Variants in AFG2A observed in about 807,000 individuals in gnomAD.
The protein encoded by AFG2A is AAA ATPase AFG2A.
chr4:123,279,049 A>G, the AFG2A span, among the ~76,000 whole-genome samples: 1 of 152,146 alleles, frequency 6.6e-6, no homozygotes, highest in African/African-American at 2.4e-5. Context: ...ATTTAGGACC[A>G]TGTCAAAGAA....
the AFG2A span, among the ~76,000 whole-genome samples, chr4:123,311,424 G>A: frequency 1.3e-5 from 2 of 151,518 alleles, no homozygotes; most frequent in Admixed American, 6.6e-5. Flanking sequence ...TCAGGAGATC[G>A]AGACCATCCT....
At chr4:123,211,147 G>A in the AFG2A span, among the ~76,000 whole-genome samples, 1 of 152,114 alleles carries the variant, frequency 6.6e-6, no homozygotes, top group Admixed American at 6.6e-5. Flanking sequence ...ACCAACAACT[G>A]AGCTTAATTT....
chr4:123,181,890 T>C, the AFG2A span, among the ~76,000 whole-genome samples: 2 of 152,210 alleles, frequency 1.3e-5, no homozygotes, highest in African/African-American at 2.4e-5. Context: ...CACACTTTAC[T>C]ACAGAAAATA....
the AFG2A span, among the ~76,000 whole-genome samples, chr4:123,107,508 G>T: frequency 5.3e-5 from 8 of 152,176 alleles, no homozygotes; most frequent in Non-Finnish European, 1.2e-4. Flanking sequence ...CCATGGGCAG[G>T]CCCAGTGAAA....
the AFG2A span, among the ~76,000 whole-genome samples, chr4:123,199,534 C>T: frequency 3.0e-5 from 4 of 132,966 alleles, no homozygotes; most frequent in Admixed American, 1.8e-4. Context: ...TGTAATGGCA[C>T]GATCTCGGCT....
chr4:123,180,583 G>C, the AFG2A span, among the ~76,000 whole-genome samples: 1 of 152,028 alleles, frequency 6.6e-6, no homozygotes, highest in South Asian at 2.1e-4. Flanking sequence ...TTGTGTTTTT[G>C]CACATTGTAG....
chr4:123,094,726 T>C, the AFG2A span, among the ~76,000 whole-genome samples: 1 of 151,948 alleles, frequency 6.6e-6, no homozygotes, highest in Non-Finnish European at 1.5e-5. Context: ...AAGCAAAAAT[T>C]CTGGTAAGTT....
At chr4:123,311,601 T>TG in the AFG2A span, among the ~76,000 whole-genome samples, 1 of 130,030 alleles carries the variant, frequency 7.7e-6, no homozygotes, top group Non-Finnish European at 1.5e-5. Flanking sequence ...CACTCCAGCC[T>TG]GGTGACAGAA....
the AFG2A span, among the ~76,000 whole-genome samples, chr4:123,294,231 G>A: frequency 6.6e-6 from 1 of 152,154 alleles, no homozygotes; most frequent in African/African-American, 2.4e-5. Flanking sequence ...GCAGGGGAGC[G>A]ACATAAACTC....
the AFG2A span, among the ~76,000 whole-genome samples, chr4:123,015,193 T>TTC: frequency 6.6e-6 from 1 of 151,000 alleles, no homozygotes; most frequent in East Asian, 1.9e-4. Context: ...TTTCTTTTTT[T>TTC]TTTTTTTTTA....
chr4:122,935,645 A>G, the AFG2A span: 2 of 1,465,696 alleles, frequency 1.4e-6, no homozygotes, highest in South Asian at 3.2e-5. Context: ...CTCATGTTTG[A>G]ACTTGTATGA....
chr4:123,098,117 C>G, the AFG2A span, among the ~76,000 whole-genome samples: 1 of 151,992 alleles, frequency 6.6e-6, no homozygotes, highest in African/African-American at 2.4e-5. Flanking sequence ...TACTCTAGAC[C>G]TTTGCAGAAA....
At chr4:123,241,289 A>AG in the AFG2A span, among the ~76,000 whole-genome samples, 100 of 152,362 alleles carry the variant, frequency 6.6e-4, no homozygotes, top group African/African-American at 2.3e-3. Flanking sequence ...TTATGAGGCC[A>AG]GCATCATCCT....
the AFG2A span, among the ~76,000 whole-genome samples, chr4:123,270,879 A>G: frequency 6.6e-6 from 1 of 152,220 alleles, no homozygotes; most frequent in South Asian, 2.1e-4. Context: ...TAGCATTTCA[A>G]ACTCAAAGGA....
At chr4:122,962,013 T>C in the AFG2A span, among the ~76,000 whole-genome samples, 1 of 152,236 alleles carries the variant, frequency 6.6e-6, no homozygotes, top group East Asian at 1.9e-4. Context: ...GTGGGGATGA[T>C]ATCCGGATGA....
chr4:123,231,422 T>C, the AFG2A span, among the ~76,000 whole-genome samples: 2 of 152,018 alleles, frequency 1.3e-5, no homozygotes, highest in Non-Finnish European at 2.9e-5. Flanking sequence ...CTCTCAGCCT[T>C]CACAGAATTG....
At chr4:123,044,133 G>A in the AFG2A span, among the ~76,000 whole-genome samples, 1 of 152,104 alleles carries the variant, frequency 6.6e-6, no homozygotes, top group African/African-American at 2.4e-5. Flanking sequence ...TTACAGTTTT[G>A]ATTGAAAGCT....
the AFG2A span, among the ~76,000 whole-genome samples, chr4:123,127,447 C>T: frequency 2.0e-5 from 3 of 152,122 alleles, no homozygotes; most frequent in Non-Finnish European, 1.5e-5. Context: ...CTGCTTAGGA[C>T]ACAAGCTGTA....
At chr4:123,187,202 T>C in the AFG2A span, among the ~76,000 whole-genome samples, 32 of 152,298 alleles carry the variant, frequency 2.1e-4, no homozygotes, top group South Asian at 6.6e-3. Context: ...TCTGCTGTTG[T>C]TCTTTATGGT....
Sources: allele counts gnomAD v4.1 joint callset (sites outside exome capture counted in the v4.1 genomes callset), GRCh38; gene constraint gnomAD v4.1.1; transcripts MANE v1.5; gene names NCBI Gene and HGNC (gene_info 2026-07-23, HGNC 2026-07-21).